LGALS3: variants seen among roughly 807,000 people sequenced by gnomAD.
LGALS3 encodes galectin-3.
A neutral mutation model predicts 20.7 loss-of-function variants in LGALS3; 18 were observed. The ratio of observed to expected loss-of-function variants is 0.87; its 90% CI spans 0.60 to 1.29. The LOEUF is 1.29. Ranked by LOEUF, LGALS3 falls within the 50% of genes most tolerant of loss-of-function variation. LGALS3 has a pLI of 0.00. For missense variants in LGALS3, 315 were observed against 314.7 expected, an observed-to-expected ratio of 1.00 and a Z score of -0.01; for synonymous variants, 112 against 119.6, an observed-to-expected ratio of 0.94 and a Z score of 0.42.
intron 3 of LGALS3, 180 bp downstream of exon 3, chr14:55,138,548 T>C (rs1594652630): frequency 1.3e-6 from 1 of 763,002 alleles, no homozygotes; most frequent in Non-Finnish European, 2.4e-6. Flanking sequence ...AAACAGAAGG[T>C]AATGAGTATT....
At chr14:55,135,350 T>C (rs1881354914) in intron 1 of LGALS3, among the ~76,000 whole-genome samples, 1 of 152,116 alleles carries the variant, frequency 6.6e-6, no homozygotes, top group African/African-American at 2.4e-5. Context: ...ATTTTGGATT[T>C]TGGCTCTTCA....
intron 1 of LGALS3, among the ~76,000 whole-genome samples, chr14:55,135,017 G>T (rs576177091): frequency 1.3e-5 from 2 of 151,902 alleles, no homozygotes; most frequent in Non-Finnish European, 2.9e-5. Flanking sequence ...AGCTGGGTGT[G>T]GTGTTGTGTG....
At chr14:55,141,886 C>T (rs141052359) in intron 4 of LGALS3, among the ~76,000 whole-genome samples, 5 of 152,290 alleles carry the variant, frequency 3.3e-5, no homozygotes, top group African/African-American at 7.2e-5. Context: ...CTCTATAGAG[C>T]GCACTTTGAG....
At chr14:55,138,544 A>C (rs1243618791) in intron 3 of LGALS3, 176 bp downstream of exon 3, 1 of 771,318 alleles carries the variant, frequency 1.3e-6, no homozygotes, top group Non-Finnish European at 2.3e-6. Context: ...GTATAAACAG[A>C]AGGTAATGAG....
chr14:55,131,918 C>G (rs1224810474), intron 1 of LGALS3, among the ~76,000 whole-genome samples: 2 of 152,212 alleles, frequency 1.3e-5, no homozygotes, highest in Non-Finnish European at 2.9e-5. Flanking sequence ...AAGTCCTGCT[C>G]TGTGTTTCAG....
rs1487040236 is a variant in LGALS3 at position 55,129,905 on chromosome 14, TGGA to T, written c.-5+610_-5+612del. ...TTTGAGCATCAGCTGAGGCTGGACT[TGGA>T]GGAGATCTCGCTGTGGAGCGCGAAT... On this transcript the variant is annotated intron_variant, in intron 1 of 5. Coordinates refer to ENST00000254301, the MANE Select transcript of LGALS3 (RefSeq NM_002306.4). This position sits in a 1 kb window ranked among gnomAD's most constrained non-coding sequence, Gnocchi z 5.3. Among the ~76,000 whole-genome samples the T allele has an allele frequency of 5.3e-5, 8 of 152,314 alleles. No individual in the cohort carries two copies. Among genetic ancestry groups the T allele is most frequent in the East Asian group, 3.9e-4 (2 of 5,184 alleles).
intron 1 of LGALS3, among the ~76,000 whole-genome samples, chr14:55,136,744 C>T (rs184343020): frequency 8.5e-5 from 13 of 152,234 alleles, no homozygotes; most frequent in East Asian, 1.9e-4. Flanking sequence ...GTCAAATACC[C>T]GGCCTTATTC....
intron 1 of LGALS3, among the ~76,000 whole-genome samples, chr14:55,134,648 G>A (rs554121977): frequency 1.4e-4 from 21 of 152,226 alleles, no homozygotes; most frequent in African/African-American, 5.1e-4. Context: ...CGGTAGTGTG[G>A]CAGCCTTTTG....
chr14:55,131,762 G>C (rs1389199740), intron 1 of LGALS3, among the ~76,000 whole-genome samples: 2 of 152,186 alleles, frequency 1.3e-5, no homozygotes, highest in Non-Finnish European at 2.9e-5. Flanking sequence ...TCCGTAGGGG[G>C]GAAGATCAGT....
rs537727369 is a variant in LGALS3 at position 55,136,716 on chromosome 14, T to C, written c.-4-654T>C. On this transcript the variant is annotated intron_variant, in intron 1 of 5. Transcript: ENST00000254301. ...AAACGTACAATGAAATTATTGACTA[T>C]AGTCACCCTGCTGTGCTGTCAAATA... 3.3e-5 allele frequency among the ~76,000 whole-genome samples: 5 copies of C among 152,346 alleles called. No homozygotes were observed. The South Asian group carries it at 1.0e-3, about 32-fold the overall frequency.
rs368542927 is a variant in LGALS3 at position 55,138,471 on chromosome 14, A to G, written c.342+103A>G. The G allele has an allele frequency of 5.7e-5, 70 of 1,218,170 alleles. 2 individuals carry two copies. In the African/African-American group the frequency reaches 8.6e-4, roughly 15 times the overall value. The allele number at this position is 1,218,170 out of a possible 1,614,324, so 75.5% of individuals were successfully genotyped here. ...TAGAGCCACTTCTCAAGGGCCAGCC[A>G]TGGGTGTATGTTGGTAGAGTCAAAA... On this transcript the variant is annotated intron_variant, in intron 3 of 5. Transcript: ENST00000254301.
intron 4 of LGALS3, 173 bp downstream of exon 4, chr14:55,140,536 T>A: frequency 1.9e-6 from 1 of 535,226 alleles, no homozygotes; most frequent in South Asian, 2.5e-5. Flanking sequence ...GATTATCCCA[T>A]AAATCCATAC....
intron 1 of LGALS3, among the ~76,000 whole-genome samples, chr14:55,134,604 C>T (rs1312065533): frequency 6.6e-6 from 1 of 152,138 alleles, no homozygotes; most frequent in East Asian, 1.9e-4. Flanking sequence ...CTCTCAAGGT[C>T]CCCCTGCAGT....
rs753971298 is a variant in LGALS3 at position 55,142,664 on chromosome 14, T to A, written c.512T>A (p.Ile171Asn). The A allele has an allele frequency of 6.2e-7, 1 of 1,613,692 alleles. No homozygotes were observed. The highest frequency in any genetic ancestry group is 1.1e-5 in the South Asian group (1 of 91,074). The change falls in exon 5 of 6, where the codon ATT becomes AAT. Residue 171 changes from isoleucine to asparagine, a missense_variant. Coordinates refer to ENST00000254301, the MANE Select transcript of LGALS3 (RefSeq NM_002306.4). ...PRFNENNRRV[I>N]VCNTKLDNNW... is the part of the protein sequence containing the mutation. ...TTCAATGAGAACAACAGGAGAGTCATTGTTTGCAATACAAAGCTGGATAAT... is the reference window on the plus strand; with the variant it reads ...TTCAATGAGAACAACAGGAGAGTCAATGTTTGCAATACAAAGCTGGATAAT...
chr14:55,140,273 A>C lies in LGALS3; in HGVS notation c.343-2A>C, dbSNP rs1251470797. 6.2e-7 allele frequency: 1 copy of C among 1,606,138 alleles called. No homozygotes were observed. Among genetic ancestry groups the C allele is most frequent in the South Asian group, 1.1e-5 (1 of 90,684 alleles). On this transcript the variant is annotated splice_acceptor_variant, in intron 3 of 5. Transcript: ENST00000254301. LOFTEE classifies it high-confidence loss of function. Reference sequence around the variant, plus strand: ...GACACATATGTACTTGTTAATTCCCAGATTGTGCCTTATAACCTGCCTTTG... The same window carrying C: ...GACACATATGTACTTGTTAATTCCCCGATTGTGCCTTATAACCTGCCTTTG...
Position 55,136,195 on chromosome 14 carries a change from CCT to C in LGALS3, c.-4-1172_-4-1171del, listed in dbSNP as rs143294604. Among the ~76,000 whole-genome samples, 1,190 of 152,272 alleles carry C rather than the reference CCT, an allele frequency of 7.8e-3. 17 individuals are homozygous for C. The highest frequency in any genetic ancestry group is 0.028 in the African/African-American group (1,152 of 41,548). ...TCTCCAGACCACCCCTTAGGCAAAC[CCT>C]CTTTGGTAGCATCTTAGACCCAAAT... On this transcript the variant is annotated intron_variant, in intron 1 of 5. Coordinates refer to ENST00000254301, the MANE Select transcript of LGALS3 (RefSeq NM_002306.4).
intron 1 of LGALS3, among the ~76,000 whole-genome samples, chr14:55,133,700 G>A (rs1010543618): frequency 1.3e-5 from 2 of 152,206 alleles, no homozygotes; most frequent in African/African-American, 4.8e-5. Context: ...CCGAGGTGGT[G>A]TTGAAACAGT....
chr14:55,142,725 A>G lies in LGALS3; in HGVS notation c.573A>G (p.Pro191=). 1 of 1,613,582 alleles carries G rather than the reference A, an allele frequency of 6.2e-7. No homozygotes were observed. ...WGREERQSVF[P]FESGKPFKIQ... ...GGGAAGAAAGACAGTCGGTTTTCCC[A>G]TTTGAAAGTGGGAAACCATTCAAAG... The change falls in exon 5 of 6, where the codon CCA becomes CCG. Residue 191 remains proline (P), a synonymous_variant. Transcript: ENST00000254301.
chr14:55,131,400 C>A (rs764990824), intron 1 of LGALS3, among the ~76,000 whole-genome samples: 1 of 152,098 alleles, frequency 6.6e-6, no homozygotes. Context: ...ATTTAGGTAC[C>A]TTTTTACATA....
Sources: gnomAD v4.1 joint callset for allele counts (sites outside exome capture counted in the v4.1 genomes callset) on GRCh38, gnomAD v4.1.1 for gene constraint, Gnocchi (gnomAD v3.1) non-coding constraint, MANE v1.5 for transcripts, NCBI Gene and HGNC (gene_info 2026-07-23, HGNC 2026-07-21) for gene names.